Variants in EDIL3 observed in about 807,000 individuals in gnomAD.
EDIL3 encodes EGF-like repeat and discoidin I-like domain-containing protein 3.
EDIL3 carries 37 observed loss-of-function variants against 67.4 expected under a neutral mutation model. That is an observed-to-expected ratio of 0.55 (90% CI 0.42 to 0.72). The LOEUF (loss-of-function observed/expected upper bound fraction) is 0.72. EDIL3 is among the 30% of genes least tolerant of loss of function. The pLI, the probability that EDIL3 is intolerant of heterozygous loss-of-function variation, is 0.00. For synonymous variants in EDIL3, 195 were observed against 196.3 expected (o/e 0.99, Z 0.05); for missense variants, 527 against 586.3 (o/e 0.90, Z 1.04).
intron 9 of EDIL3, among the ~76,000 whole-genome samples, chr5:83,968,405 T>C (rs924148810): frequency 1.3e-5 from 2 of 152,094 alleles, no homozygotes; most frequent in Admixed American, 6.6e-5. Flanking sequence ...AACATAGCAA[T>C]TGCTTTTTTC....
At chr5:84,333,698 A>G (rs1370742227) in intron 1 of EDIL3, among the ~76,000 whole-genome samples, 1 of 152,222 alleles carries the variant, frequency 6.6e-6, no homozygotes, top group Non-Finnish European at 1.5e-5. Context: ...TAATATCCAT[A>G]AATATTATAT....
intron 3 of EDIL3, among the ~76,000 whole-genome samples, chr5:84,189,732 C>A (rs906266542): frequency 1.3e-5 from 2 of 151,994 alleles, no homozygotes; most frequent in Non-Finnish European, 2.9e-5. Flanking sequence ...TATATCAATA[C>A]TCTGTAGTTA....
intron 3 of EDIL3, among the ~76,000 whole-genome samples, chr5:84,216,736 A>G (rs1279080510): frequency 6.6e-6 from 1 of 152,226 alleles, no homozygotes; most frequent in Non-Finnish European, 1.5e-5. Context: ...AAATCACAAT[A>G]TTAATATGGC....
chr5:84,037,432 T>C (rs1163276565), intron 9 of EDIL3, among the ~76,000 whole-genome samples: 1 of 152,210 alleles, frequency 6.6e-6, no homozygotes, highest in Non-Finnish European at 1.5e-5. Context: ...CATAAAAAAG[T>C]AGGTAAACTG....
chr5:84,247,725 C>A (rs1334342105), intron 2 of EDIL3, among the ~76,000 whole-genome samples: 1 of 151,706 alleles, frequency 6.6e-6, no homozygotes, highest in African/African-American at 2.4e-5. Context: ...GAAGATAAAA[C>A]AGAATAAAAT....
chr5:84,331,600 C>T (rs116796976), intron 1 of EDIL3, among the ~76,000 whole-genome samples: 2,068 of 152,234 alleles, frequency 0.014, 52 homozygotes, highest in African/African-American at 0.048. Context: ...CTCCCCAGCC[C>T]TGTGGAACTG....
At chr5:84,109,214 A>C (rs1312990337) in intron 5 of EDIL3, among the ~76,000 whole-genome samples, 1 of 152,184 alleles carries the variant, frequency 6.6e-6, no homozygotes, top group African/African-American at 2.4e-5. Flanking sequence ...CTTTCAAAAA[A>C]CATAATTCAA....
chr5:83,973,985 T>C (rs1260351199), intron 9 of EDIL3, among the ~76,000 whole-genome samples: 1 of 152,008 alleles, frequency 6.6e-6, no homozygotes, highest in African/African-American at 2.4e-5. Context: ...ACACACAATG[T>C]ATTTTTGTGC....
At chr5:84,030,673 A>G (rs1745903432) in intron 9 of EDIL3, among the ~76,000 whole-genome samples, 1 of 152,186 alleles carries the variant, frequency 6.6e-6, no homozygotes. Flanking sequence ...CCTAGTATCA[A>G]TTCTGAATTC....
chr5:84,096,073 A>T (rs1483775044), intron 6 of EDIL3, among the ~76,000 whole-genome samples: 3 of 152,226 alleles, frequency 2.0e-5, no homozygotes, highest in Non-Finnish European at 2.9e-5. Context: ...AAATGCCTGG[A>T]TGCCCAGGCA....
intron 9 of EDIL3, among the ~76,000 whole-genome samples, chr5:83,964,375 A>G (rs966155801): frequency 6.6e-6 from 1 of 151,696 alleles, no homozygotes; most frequent in Non-Finnish European, 1.5e-5. Flanking sequence ...ACTTCCACCT[A>G]TTTCCTATGA....
chr5:84,327,043 T>A (rs1426233404), intron 1 of EDIL3, among the ~76,000 whole-genome samples: 1 of 151,978 alleles, frequency 6.6e-6, no homozygotes, highest in African/African-American at 2.4e-5. Context: ...TTCATATATG[T>A]ATACATTGTG....
chr5:84,139,121 C>T (rs1419816685), intron 4 of EDIL3, among the ~76,000 whole-genome samples: 2 of 152,004 alleles, frequency 1.3e-5, no homozygotes, highest in Non-Finnish European at 2.9e-5. Context: ...CCTATAATCC[C>T]AGCTACTCAG....
At chr5:84,027,589 T>C (rs1269811599) in intron 9 of EDIL3, among the ~76,000 whole-genome samples, 1 of 137,934 alleles carries the variant, frequency 7.2e-6, no homozygotes, top group African/African-American at 2.7e-5. Context: ...AAGTGTAAAA[T>C]TCTTATGAGA....
chr5:84,239,586 T>C (rs755388175), intron 2 of EDIL3, among the ~76,000 whole-genome samples: 1 of 152,224 alleles, frequency 6.6e-6, no homozygotes, highest in Non-Finnish European at 1.5e-5. Flanking sequence ...CTACATCTTA[T>C]GGACCAATTC....
chr5:84,284,100 C>T (rs1745762000), intron 1 of EDIL3, among the ~76,000 whole-genome samples: 1 of 152,094 alleles, frequency 6.6e-6, no homozygotes, highest in African/African-American at 2.4e-5. Flanking sequence ...CCAAGAATCC[C>T]CACCCTCATT....
rs185131372 is a variant in EDIL3 at position 84,206,928 on chromosome 5, C to T, written c.226+22927G>A. On this transcript the variant is annotated intron_variant, in intron 3 of 10. Coordinates refer to ENST00000296591, the MANE Select transcript of EDIL3 (RefSeq NM_005711.5). ...ATAAGAGCTATCTATGACAAACCCA[C>T]AGTCAATATCATACTGAATGGGCAA... 6.8e-3 allele frequency among the ~76,000 whole-genome samples: 1,031 copies of T among 152,308 alleles called. 9 individuals are homozygous for T. The highest frequency in any genetic ancestry group is 0.023 in the African/African-American group (965 of 41,564).
At chr5:84,212,550 A>G (rs1047347361) in intron 3 of EDIL3, among the ~76,000 whole-genome samples, 3 of 152,338 alleles carry the variant, frequency 2.0e-5, no homozygotes, top group African/African-American at 7.2e-5. Flanking sequence ...TACCACAGAA[A>G]AACATTCCTA....
intron 1 of EDIL3, among the ~76,000 whole-genome samples, chr5:84,331,051 C>T (rs893944468): frequency 2.0e-5 from 3 of 152,194 alleles, no homozygotes; most frequent in Non-Finnish European, 4.4e-5. Context: ...GCATGGGGCC[C>T]TAGCCCCTAT....
Sources: gnomAD v4.1 joint callset for allele counts (sites outside exome capture counted in the v4.1 genomes callset) on GRCh38, gnomAD v4.1.1 for gene constraint, MANE v1.5 for transcripts, NCBI Gene and HGNC (gene_info 2026-07-23, HGNC 2026-07-21) for gene names.